The following FLT1 variants were observed in gnomAD, a reference collection of about 807,000 sequenced individuals.
The protein encoded by FLT1 is fms related receptor tyrosine kinase 1.
In FLT1, 49 loss-of-function variants were observed where a neutral mutation model predicts 156.3. That is an observed-to-expected ratio of 0.31 (90% CI 0.25 to 0.40). The LOEUF is 0.40. Among genes scored for constraint, FLT1 ranks in the 10% least tolerant of loss-of-function variants. The pLI is 1.00. For synonymous variants in FLT1, 594 were observed against 583.8 expected, an observed-to-expected ratio of 1.02 and a Z score of -0.25; for missense variants, 1,322 against 1,637.2, an observed-to-expected ratio of 0.81 and a Z score of 3.32.
In FLT1 at chr13:28,322,424, T is replaced by C. The variant is rs1871498776; in HGVS notation, c.2954-65A>G. 2 of 1,044,028 alleles carry C rather than the reference T, an allele frequency of 1.9e-6. No homozygotes were observed. The highest frequency in any genetic ancestry group is 1.5e-6 in the Non-Finnish European group (1 of 663,640). The allele number at this position is 1,044,028 out of a possible 1,614,324, so 64.7% of individuals were successfully genotyped here. On this transcript the variant is annotated intron_variant, in intron 21 of 29. Transcript: ENST00000282397. This position sits in a 1 kb window ranked among gnomAD's most constrained non-coding sequence, Gnocchi z 4.3. Reference sequence around the variant, plus strand: ...TGTTATCCCACCAAATCCCAGTTTATTGGAACAATGTTAGCAAAACATAAA... The same window carrying C: ...TGTTATCCCACCAAATCCCAGTTTACTGGAACAATGTTAGCAAAACATAAA...
At chr13:28,363,551 A>T (rs1453872148) in intron 14 of FLT1, among the ~76,000 whole-genome samples, 2 of 152,180 alleles carry the variant, frequency 1.3e-5, no homozygotes, top group Non-Finnish European at 2.9e-5. Context: ...ATTCTAAATA[A>T]CAGGTATTAT....
chr13:28,434,328 T>A, intron 4 of FLT1, 108 bp from the exon 5 acceptor site: 1 of 1,075,680 alleles, frequency 9.3e-7, no homozygotes, highest in Non-Finnish European at 1.4e-6. Context: ...ATGAAAATAG[T>A]AAAACTTTGT....
chr13:28,354,754 A>G (rs1175838952), intron 15 of FLT1, among the ~76,000 whole-genome samples: 2 of 152,132 alleles, frequency 1.3e-5, no homozygotes, highest in African/African-American at 4.8e-5. Flanking sequence ...CAGACACAAG[A>G]GTTCAAAAAG....
At chr13:28,468,275 G>A (rs1191376573) in intron 1 of FLT1, among the ~76,000 whole-genome samples, 1 of 152,154 alleles carries the variant, frequency 6.6e-6, no homozygotes, top group East Asian at 1.9e-4. Flanking sequence ...CAGTCAAAAG[G>A]GAACTGTTCA....
At chr13:28,388,144 A>G in intron 13 of FLT1, 3 of 1,057,570 alleles carry the variant, frequency 2.8e-6, no homozygotes, top group Non-Finnish European at 3.4e-6. Flanking sequence ...CCAAAGAGCC[A>G]TAGGTAAAAT....
chr13:28,311,153 CT>C (rs1870984509), intron 27 of FLT1, among the ~76,000 whole-genome samples: 1 of 152,070 alleles, frequency 6.6e-6, no homozygotes, highest in Non-Finnish European at 1.5e-5. Flanking sequence ...GATGAGGTCT[CT>C]CTATGTTGCC....
chr13:28,411,510 C>T lies in FLT1; in HGVS notation c.1437-5616G>A, dbSNP rs530458745. Among the ~76,000 whole-genome samples, 6 of 141,168 alleles carry T rather than the reference C, an allele frequency of 4.3e-5. No individual in the cohort carries two copies. In the East Asian group the frequency reaches 1.1e-3, roughly 25 times the overall value. The allele number at this position is 141,168 out of a possible 152,430, so 92.6% of individuals were successfully genotyped here. On this transcript the variant is annotated intron_variant, in intron 10 of 29. Transcript: ENST00000282397. ...GCAGTGAGCCAAGATCATGCCATTG[C>T]GCTCCAGCCTGGTCAAGAAGAGCGA...
chr13:28,395,638 CTTATA>C (rs1312882137), intron 12 of FLT1, among the ~76,000 whole-genome samples: 2 of 152,114 alleles, frequency 1.3e-5, no homozygotes, highest in African/African-American at 2.4e-5. Flanking sequence ...GTATTTGTGG[CTTATA>C]TTATATCTCT....
chr13:28,360,229 C>T (rs1033885722), intron 14 of FLT1, among the ~76,000 whole-genome samples: 11 of 152,170 alleles, frequency 7.2e-5, no homozygotes, highest in South Asian at 2.1e-4. Flanking sequence ...CCCTTATACA[C>T]GGTTGGTGGC....
chr13:28,431,283 G>A lies in FLT1; in HGVS notation c.841C>T (p.Arg281Ter), dbSNP rs1593785328. The A allele has an allele frequency of 6.2e-7, 1 of 1,613,596 alleles. No individual in the cohort carries two copies. The highest frequency in any genetic ancestry group is 2.2e-5 in the East Asian group (1 of 44,868). Residue 281 changes from arginine (R) to a stop codon, truncating the protein, a stop_gained, in exon 7 of 30, where the codon CGA (arginine) becomes TGA (stop). Coordinates refer to ENST00000282397, the MANE Select transcript of FLT1 (RefSeq NM_002019.4). LOFTEE classifies it high-confidence loss of function. ...EKNKRASVRRRIDQSNSHANI... is the reference protein window; with the variant it reads ...EKNKRASVRR ...GCATGGGAATTGCTTTGGTCAATTC[G>A]TCGCCTTACGGAAGCTCTCTTATTT...
chr13:28,431,898 A>G (rs1363626731), intron 6 of FLT1, among the ~76,000 whole-genome samples: 1 of 132,308 alleles, frequency 7.6e-6, no homozygotes, highest in Non-Finnish European at 1.7e-5. Context: ...CTAAGGTGGA[A>G]TAATGCTATA....
intron 3 of FLT1, among the ~76,000 whole-genome samples, chr13:28,450,078 A>G (rs1297439995): frequency 1.3e-5 from 2 of 152,164 alleles, no homozygotes; most frequent in African/African-American, 4.8e-5. Context: ...TGGAGAAGAT[A>G]TAAGATTGAA....
Position 28,433,876 on chromosome 13 carries a change from A to G in FLT1, c.756T>C (p.Cys252=). ...LLRGHTLVLN[C]TATTPLNTRV... ...TCGTGTTCAAGGGAGTGGTAGCAGT[A>G]CAATTGAGGACAAGAGTATGGCCTC... Residue 252 remains cysteine (C), a synonymous_variant, in exon 6 of 30, where the codon TGT becomes TGC. Coordinates refer to ENST00000282397, the MANE Select transcript of FLT1 (RefSeq NM_002019.4). The G allele has an allele frequency of 6.2e-7, 1 of 1,613,774 alleles. No homozygotes were observed. Among genetic ancestry groups the G allele is most frequent in the Non-Finnish European group, 8.5e-7 (1 of 1,179,612 alleles).
At chr13:28,444,469 A>C (rs1354838007) in intron 3 of FLT1, among the ~76,000 whole-genome samples, 1 of 152,180 alleles carries the variant, frequency 6.6e-6, no homozygotes, top group East Asian at 1.9e-4. Flanking sequence ...AGAACTGGAC[A>C]GAAGATTTTA....
rs1355325013 is a variant in FLT1 at position 28,439,237 on chromosome 13, G to A, written c.389-892C>T. Among the ~76,000 whole-genome samples, 1 of 152,118 alleles carries A rather than the reference G, an allele frequency of 6.6e-6. No individual in the cohort carries two copies. Among genetic ancestry groups the A allele is most frequent in the African/African-American group, 2.4e-5 (1 of 41,406 alleles). On this transcript the variant is annotated intron_variant, in intron 3 of 29. Transcript: ENST00000282397. This position sits in a 1 kb window ranked among gnomAD's most constrained non-coding sequence, Gnocchi z 4.1. ...CTCGGGAATCTATTGACATCCTCAG[G>A]CAACGATCTCTTCGGGAGTCATTGT...
intron 14 of FLT1, among the ~76,000 whole-genome samples, chr13:28,380,488 TAC>T (rs2094798382): frequency 6.6e-6 from 1 of 152,234 alleles, no homozygotes; most frequent in African/African-American, 2.4e-5. Flanking sequence ...ATAGTGGTTT[TAC>T]AGAGTGAATA....
intron 1 of FLT1, among the ~76,000 whole-genome samples, chr13:28,473,773 G>GAAAGAAA (rs1880349953): frequency 2.0e-4 from 17 of 84,690 alleles, no homozygotes; most frequent in South Asian, 4.2e-4. Context: ...AAGGAAGGAA[G>GAAAGAAA]GAAGGAAAGA....
At chr13:28,369,481 T>C (rs1873454582) in intron 14 of FLT1, among the ~76,000 whole-genome samples, 2 of 152,206 alleles carry the variant, frequency 1.3e-5, no homozygotes, top group East Asian at 3.9e-4. Flanking sequence ...GCCAAGATCA[T>C]GCCACTGTAC....
At chr13:28,437,715 A>C (rs73453295) in intron 4 of FLT1, among the ~76,000 whole-genome samples, 8,242 of 152,176 alleles carry the variant, frequency 0.054, 718 homozygotes, top group African/African-American at 0.19. Flanking sequence ...TTTCCCTAAG[A>C]GATGAAGTTT....
Sources: allele counts gnomAD v4.1 joint callset (sites outside exome capture counted in the v4.1 genomes callset), GRCh38; gene constraint gnomAD v4.1.1; non-coding constraint Gnocchi (gnomAD v3.1); transcripts MANE v1.5; gene names NCBI Gene and HGNC (gene_info 2026-07-23, HGNC 2026-07-21).